The following MRPL48 variants were observed in gnomAD, a reference collection of about 807,000 sequenced individuals.
MRPL48 encodes mitochondrial ribosomal protein L48.
Under a neutral mutation model 32.9 loss-of-function variants are expected in MRPL48, and 16 were observed. The observed-to-expected ratio is 0.49, with a 90% CI of 0.33 to 0.74. The LOEUF (loss-of-function observed/expected upper bound fraction) is 0.74, where lower values mean the gene tolerates loss of function less well. Ranked by LOEUF, MRPL48 falls within the 30% of genes least tolerant of loss-of-function variation. The pLI is 0.02. For synonymous variants in MRPL48, 94 were observed against 89.2 expected, an observed-to-expected ratio of 1.05 and a Z score of -0.31; for missense variants, 206 against 245.3, an observed-to-expected ratio of 0.84 and a Z score of 1.07.
At chr11:73,793,926 G>A (rs572231741) in intron 1 of MRPL48, among the ~76,000 whole-genome samples, 2 of 145,402 alleles carry the variant, frequency 1.4e-5, no homozygotes, top group East Asian at 2.1e-4. Flanking sequence ...GGCAGGTCTC[G>A]AACTCCTGGG....
At chr11:73,803,322 G>A (rs1246852470) in intron 1 of MRPL48, among the ~76,000 whole-genome samples, 5 of 151,788 alleles carry the variant, frequency 3.3e-5, no homozygotes, top group Non-Finnish European at 7.4e-5. Context: ...GGAGAGACGG[G>A]GTTTCACCAT....
chr11:73,816,238 T>C (rs1001334656), intron 3 of MRPL48, among the ~76,000 whole-genome samples: 8 of 150,632 alleles, frequency 5.3e-5, no homozygotes, highest in African/African-American at 9.8e-5. Flanking sequence ...ATTTTTTGTA[T>C]TTTTAGTAGA....
At chr11:73,798,325 C>G (rs890808695) in intron 1 of MRPL48, among the ~76,000 whole-genome samples, 3 of 152,120 alleles carry the variant, frequency 2.0e-5, no homozygotes, top group African/African-American at 7.2e-5. Flanking sequence ...AACTCCTGAC[C>G]TCAGGTGATC....
At chr11:73,851,852 A>G (rs1948395603) in intron 5 of MRPL48, among the ~76,000 whole-genome samples, 1 of 152,102 alleles carries the variant, frequency 6.6e-6, no homozygotes, top group South Asian at 2.1e-4. Flanking sequence ...TCTTCTTGCT[A>G]TGTGGTGAGC....
chr11:73,789,667 G>A (rs976229237), intron 1 of MRPL48, among the ~76,000 whole-genome samples: 17 of 152,098 alleles, frequency 1.1e-4, no homozygotes, highest in African/African-American at 3.9e-4. Flanking sequence ...GAGACTATAG[G>A]GAATAATGTA....
intron 3 of MRPL48, among the ~76,000 whole-genome samples, chr11:73,818,266 T>C (rs1263815189): frequency 6.6e-6 from 1 of 152,160 alleles, no homozygotes; most frequent in Admixed American, 6.6e-5. Context: ...AGGGGCTTGA[T>C]TGTGGTGACC....
intron 3 of MRPL48, among the ~76,000 whole-genome samples, chr11:73,812,569 C>T (rs1947583834): frequency 6.6e-6 from 1 of 151,860 alleles, no homozygotes; most frequent in African/African-American, 2.4e-5. Flanking sequence ...GAAGCACTGG[C>T]ATGAACTTGT....
Position 73,811,094 on chromosome 11 carries a change from G to A in MRPL48, c.112+2744G>A, listed in dbSNP as rs899219689. 3.9e-5 allele frequency among the ~76,000 whole-genome samples: 6 copies of A among 152,280 alleles called. No individual in the cohort carries two copies. The South Asian group carries it at 1.2e-3, about 32-fold the overall frequency. ...AAGCTGAGAAAGAGAGACCATAGTG[G>A]AGAAAACCTGGATAGTATAGTATCA... On this transcript the variant is annotated intron_variant, in intron 3 of 7. Coordinates refer to ENST00000310614, the MANE Select transcript of MRPL48 (RefSeq NM_016055.6).
intron 5 of MRPL48, among the ~76,000 whole-genome samples, chr11:73,853,873 G>A (rs1288835105): frequency 6.6e-6 from 1 of 151,652 alleles, no homozygotes; most frequent in Non-Finnish European, 1.5e-5. Flanking sequence ...TGTACTTTTA[G>A]TAGGGAGGGG....
At chr11:73,805,797 T>C (rs748795618) in intron 2 of MRPL48, among the ~76,000 whole-genome samples, 142 of 151,660 alleles carry the variant, frequency 9.4e-4, no homozygotes, top group Non-Finnish European at 1.7e-3. Flanking sequence ...TAGCTGGGAC[T>C]ACAGGCATGT....
intron 4 of MRPL48, among the ~76,000 whole-genome samples, chr11:73,836,384 A>T (rs1948104202): frequency 6.6e-6 from 1 of 152,132 alleles, no homozygotes; most frequent in South Asian, 2.1e-4. Context: ...TTTTTAGTAG[A>T]GACGGGTTTT....
intron 3 of MRPL48, among the ~76,000 whole-genome samples, chr11:73,822,371 A>C (rs957630531): frequency 6.6e-6 from 1 of 152,132 alleles, no homozygotes; most frequent in Non-Finnish European, 1.5e-5. Flanking sequence ...AGTACTTAGT[A>C]CACCGTAAGG....
intron 3 of MRPL48, among the ~76,000 whole-genome samples, chr11:73,819,160 A>T (rs1947729138): frequency 1.3e-5 from 2 of 152,220 alleles, no homozygotes; most frequent in Non-Finnish European, 2.9e-5. Context: ...TTTGACCAAA[A>T]CCTTTCATTT....
At chr11:73,825,288 G>A (rs796882011) in intron 3 of MRPL48, among the ~76,000 whole-genome samples, 8,783 of 128,548 alleles carry the variant, frequency 0.068, 297 homozygotes, top group Middle Eastern at 0.098. Flanking sequence ...TTATATATGT[G>A]TGTGTGTGTG....
At chr11:73,860,882 C>T (rs924727840) in intron 6 of MRPL48, among the ~76,000 whole-genome samples, 2 of 152,162 alleles carry the variant, frequency 1.3e-5, no homozygotes, top group Admixed American at 1.3e-4. Context: ...TTCTTGGTCG[C>T]CCTAACCCCT....
At chr11:73,796,968 G>C (rs1294255506) in intron 1 of MRPL48, among the ~76,000 whole-genome samples, 6 of 152,168 alleles carry the variant, frequency 3.9e-5, no homozygotes, top group Non-Finnish European at 7.3e-5. Context: ...TTAGGAGGTC[G>C]AGGCAGGAGA....
At chr11:73,857,856 G>T (rs1380558269) in intron 5 of MRPL48, among the ~76,000 whole-genome samples, 1 of 152,096 alleles carries the variant, frequency 6.6e-6, no homozygotes, top group Non-Finnish European at 1.5e-5. Context: ...ACCTCCCAAA[G>T]GGCTGGGATT....
At chr11:73,848,277 G>T (rs55740271) in intron 5 of MRPL48, among the ~76,000 whole-genome samples, 8,591 of 152,022 alleles carry the variant, frequency 0.057, 268 homozygotes, top group Middle Eastern at 0.11. Flanking sequence ...TTGACAGCCA[G>T]TTGACCATGT....
chr11:73,814,092 C>A (rs1266699298), intron 3 of MRPL48, among the ~76,000 whole-genome samples: 1 of 146,956 alleles, frequency 6.8e-6, no homozygotes, highest in East Asian at 2.0e-4. Flanking sequence ...AATATTTTTT[C>A]TTTTCAATAT....
Sources: allele counts gnomAD v4.1 joint callset (sites outside exome capture counted in the v4.1 genomes callset), GRCh38; gene constraint gnomAD v4.1.1; transcripts MANE v1.5; gene names NCBI Gene and HGNC (gene_info 2026-07-23, HGNC 2026-07-21).